Variants in PDE11A observed in about 807,000 individuals in gnomAD.
PDE11A encodes dual 3',5'-cyclic-AMP and -GMP phosphodiesterase 11A.
Under a neutral mutation model 100.5 loss-of-function variants are expected in PDE11A, and 100 were observed. The ratio of observed to expected loss-of-function variants is 1.00; its 90% CI spans 0.85 to 1.18. The LOEUF is 1.18. PDE11A is among the 50% of genes most tolerant of loss of function. PDE11A has a pLI of 0.00. For synonymous variants in PDE11A, 381 were observed against 420.8 expected (o/e 0.91, Z 1.16); for missense variants, 1,141 against 1,152.6 (o/e 0.99, Z 0.15).
intron 10 of PDE11A, among the ~76,000 whole-genome samples, chr2:177,729,362 T>C (rs1350415637): frequency 6.6e-6 from 1 of 152,314 alleles, no homozygotes; most frequent in African/African-American, 2.4e-5. Context: ...AGACCAACTA[T>C]CTTATAAGTC....
At chr2:177,853,724 G>GTATATCTATA (rs2083771170) in intron 5 of PDE11A, among the ~76,000 whole-genome samples, 1 of 101,222 alleles carries the variant, frequency 9.9e-6, no homozygotes, top group South Asian at 3.4e-4. Flanking sequence ...TTGTGTGTGT[G>GTATATCTATA]TGTGTGTATA....
At chr2:177,700,159 A>T (rs559389863) in intron 14 of PDE11A, among the ~76,000 whole-genome samples, 9 of 152,150 alleles carry the variant, frequency 5.9e-5, no homozygotes, top group Non-Finnish European at 1.3e-4. Flanking sequence ...CATTCCCAGC[A>T]GGTTTTCCCT....
intron 2 of PDE11A, chr2:177,998,448 G>T: frequency 8.7e-7 from 1 of 1,144,528 alleles, no homozygotes; most frequent in Non-Finnish European, 1.3e-6. Context: ...AGAGCCATCT[G>T]ACTCCAAAAG....
chr2:177,958,238 T>C (rs1286429788), intron 2 of PDE11A, among the ~76,000 whole-genome samples: 1 of 152,150 alleles, frequency 6.6e-6, no homozygotes, highest in African/African-American at 2.4e-5. Context: ...CATAAAGTAT[T>C]GCAGCATGTT....
intron 5 of PDE11A, among the ~76,000 whole-genome samples, chr2:177,872,433 C>G (rs1251442113): frequency 6.6e-6 from 1 of 152,126 alleles, no homozygotes; most frequent in Non-Finnish European, 1.5e-5. Flanking sequence ...TTGATTGGTA[C>G]TCATTGCATG....
intron 2 of PDE11A, chr2:177,998,718 G>A (rs1314615072): frequency 2.4e-5 from 24 of 1,010,292 alleles, no homozygotes; most frequent in Non-Finnish European, 3.0e-5. Context: ...CACTCGCTCC[G>A]TGGTATCGGC....
intron 7 of PDE11A, among the ~76,000 whole-genome samples, chr2:177,819,297 A>G (rs1267577635): frequency 6.6e-6 from 1 of 152,108 alleles, no homozygotes; most frequent in East Asian, 1.9e-4. Context: ...AAACACTCAC[A>G]GAATACTAAA....
chr2:177,666,644 G>A (rs1397906125), intron 18 of PDE11A, among the ~76,000 whole-genome samples: 1 of 152,098 alleles, frequency 6.6e-6, no homozygotes, highest in Non-Finnish European at 1.5e-5. Context: ...TTTCCCTGAT[G>A]ACTAATGATT....
At chr2:177,686,494 G>C (rs1046729984) in intron 15 of PDE11A, among the ~76,000 whole-genome samples, 1 of 152,084 alleles carries the variant, frequency 6.6e-6, no homozygotes, top group Non-Finnish European at 1.5e-5. Flanking sequence ...TTGAGCCTGG[G>C]AAGTCAAGGC....
chr2:177,900,038 A>AT (rs1397107798), intron 3 of PDE11A, among the ~76,000 whole-genome samples: 5 of 152,120 alleles, frequency 3.3e-5, no homozygotes, highest in African/African-American at 1.2e-4. Flanking sequence ...ATTAGCTGCA[A>AT]TTTTTTTGCA....
intron 9 of PDE11A, among the ~76,000 whole-genome samples, chr2:177,776,200 C>T (rs2105511174): frequency 6.6e-6 from 1 of 152,182 alleles, no homozygotes; most frequent in African/African-American, 2.4e-5. Flanking sequence ...AGGACACCCA[C>T]AGTTAAACTT....
rs149522660 is a variant in PDE11A at position 178,072,067 on chromosome 2, C to G, written c.371G>C (p.Ser124Thr). 160 of 1,614,018 alleles carry G rather than the reference C, an allele frequency of 9.9e-5. No homozygotes were observed. The highest frequency in any genetic ancestry group is 1.0e-4 in the Non-Finnish European group (122 of 1,180,000). Residue 124 changes from serine (S) to threonine (T), a missense_variant, in exon 1 of 20, where the codon AGT (serine) becomes ACT (threonine). Physicochemically the swap from Ser to Thr is moderately conservative, Grantham distance 58. Transcript: ENST00000286063. Reference protein sequence around the residue: ...RRASQKELRKSFARSKAIHVN... With the variant: ...RRASQKELRKTFARSKAIHVN... The stretch of plus-strand genomic sequence containing the variant: ...GTGGATGGCCTTGGAGCGGGCAAAA[C>G]TCTTCCTTAGCTCTTTCTGAGAAGC...
At chr2:177,940,764 C>T in intron 2 of PDE11A, among the ~76,000 whole-genome samples, 1 of 152,168 alleles carries the variant, frequency 6.6e-6, no homozygotes, top group East Asian at 1.9e-4. Context: ...TGGGAAAATA[C>T]TTTTCATTCC....
rs145335639 is a variant in PDE11A at position 177,847,609 on chromosome 2, C to T, written c.1368-7226G>A. Among the ~76,000 whole-genome samples the T allele has an allele frequency of 7.5e-4, 114 of 152,282 alleles. No individual in the cohort carries two copies. The East Asian group carries it at 0.017, about 22-fold the overall frequency. On this transcript the variant is annotated intron_variant, in intron 5 of 19. Coordinates refer to ENST00000286063, the MANE Select transcript of PDE11A (RefSeq NM_016953.4). ...TCCAAGTCCTTCCCTGACCTCCAAC[C>T]TTTGGGGATACTTATTCTTTCATTC... is the stretch of plus-strand genomic sequence containing the variant.
At chr2:177,994,540 T>C (rs1390648626) in intron 2 of PDE11A, among the ~76,000 whole-genome samples, 2 of 152,356 alleles carry the variant, frequency 1.3e-5, no homozygotes, top group South Asian at 2.1e-4. Context: ...CCTGTACTTC[T>C]AGCACAAATA....
intron 9 of PDE11A, among the ~76,000 whole-genome samples, chr2:177,808,567 A>G (rs1235153071): frequency 6.6e-6 from 1 of 152,218 alleles, no homozygotes; most frequent in African/African-American, 2.4e-5. Flanking sequence ...GTAACAGTTT[A>G]TGAGAGAGCC....
At chr2:177,692,567 A>T (rs923293082) in intron 15 of PDE11A, among the ~76,000 whole-genome samples, 2 of 152,216 alleles carry the variant, frequency 1.3e-5, no homozygotes, top group Non-Finnish European at 2.9e-5. Context: ...CTACTTAATT[A>T]TCAAATCCTT....
At chr2:177,900,115 A>T (rs1294901301) in intron 3 of PDE11A, among the ~76,000 whole-genome samples, 1 of 152,158 alleles carries the variant, frequency 6.6e-6, no homozygotes, top group African/African-American at 2.4e-5. Context: ...AATAATAAAT[A>T]ATATTTGTTT....
At chr2:177,760,296 A>G (rs1459283802) in intron 10 of PDE11A, among the ~76,000 whole-genome samples, 1 of 152,192 alleles carries the variant, frequency 6.6e-6, no homozygotes, top group Non-Finnish European at 1.5e-5. Flanking sequence ...ATTTATAGGT[A>G]GCATTAGTGT....
Sources: allele counts gnomAD v4.1 joint callset (sites outside exome capture counted in the v4.1 genomes callset), GRCh38; gene constraint gnomAD v4.1.1; transcripts MANE v1.5; gene names NCBI Gene and HGNC (gene_info 2026-07-23, HGNC 2026-07-21).